The following SLC25A21 variants were observed in gnomAD, a reference collection of about 807,000 sequenced individuals.
The protein encoded by SLC25A21 is solute carrier family 25 member 21.
In SLC25A21, 47 loss-of-function variants were observed where a neutral mutation model predicts 43.8. That is an observed-to-expected ratio of 1.07 (90% CI 0.85 to 1.37). The LOEUF (loss-of-function observed/expected upper bound fraction) is 1.37, where lower values mean the gene tolerates loss of function less well. Among genes scored for constraint, SLC25A21 ranks in the 40% most tolerant of loss-of-function variants. The probability of loss-of-function intolerance (pLI) is 0.00; values close to 1 mark genes in which losing one functional copy is unlikely to be tolerated. For synonymous variants in SLC25A21, 131 were observed against 121.3 expected (o/e 1.08, Z -0.52); for missense variants, 352 against 350.2 (o/e 1.00, Z -0.04).
intron 1 of SLC25A21, among the ~76,000 whole-genome samples, chr14:36,897,534 C>G (rs951491361): frequency 6.6e-6 from 1 of 152,182 alleles, no homozygotes; most frequent in African/African-American, 2.4e-5. Context: ...CTTCTCCCAA[C>G]TCATCAAAGT....
chr14:36,989,628 C>T (rs112990732), intron 1 of SLC25A21, among the ~76,000 whole-genome samples: 250 of 152,116 alleles, frequency 1.6e-3, no homozygotes, highest in Non-Finnish European at 3.0e-3. Context: ...AAAAAAATGC[C>T]TACCCATACA....
intron 1 of SLC25A21, among the ~76,000 whole-genome samples, chr14:37,091,453 A>T (rs1962584912): frequency 6.6e-6 from 1 of 152,018 alleles, no homozygotes; most frequent in Non-Finnish European, 1.5e-5. Flanking sequence ...AAAAAGCAAT[A>T]GACAACACTT....
intron 3 of SLC25A21, among the ~76,000 whole-genome samples, chr14:36,785,030 G>A (rs142614908): frequency 6.4e-4 from 97 of 152,290 alleles, no homozygotes; most frequent in African/African-American, 2.3e-3. Context: ...AGATTAATTA[G>A]TTGTTCTACC....
chr14:37,025,646 T>C (rs920199605), intron 1 of SLC25A21, among the ~76,000 whole-genome samples: 1 of 152,142 alleles, frequency 6.6e-6, no homozygotes, highest in African/African-American at 2.4e-5. Context: ...TTAGTGCACA[T>C]TCCTTCAAAT....
chr14:37,016,220 T>C (rs546780721), intron 1 of SLC25A21, among the ~76,000 whole-genome samples: 2 of 152,208 alleles, frequency 1.3e-5, no homozygotes, highest in South Asian at 4.1e-4. Context: ...AATTTTTGTA[T>C]AAAGTGTAAG....
At chr14:36,864,914 TGTTA>T (rs1427677237) in intron 2 of SLC25A21, among the ~76,000 whole-genome samples, 4 of 152,202 alleles carry the variant, frequency 2.6e-5, no homozygotes, top group African/African-American at 9.6e-5. Flanking sequence ...CCAGCTGCTC[TGTTA>T]TTTATTTATT....
chr14:36,836,270 T>C (rs781254019), intron 2 of SLC25A21, among the ~76,000 whole-genome samples: 1 of 152,120 alleles, frequency 6.6e-6, no homozygotes, highest in African/African-American at 2.4e-5. Context: ...GTGGAGAAAA[T>C]GTAGACTAGT....
At chr14:37,157,066 A>G (rs1297709127) in intron 1 of SLC25A21, among the ~76,000 whole-genome samples, 1 of 152,190 alleles carries the variant, frequency 6.6e-6, no homozygotes, top group Non-Finnish European at 1.5e-5. Flanking sequence ...TAAAAATAAA[A>G]TCATATCACG....
chr14:37,097,747 G>A (rs956021419), intron 1 of SLC25A21: 2 of 152,088 alleles, frequency 1.3e-5, no homozygotes, highest in South Asian at 2.1e-4. Flanking sequence ...AGCCAGGCAT[G>A]GTGGCAGACA....
At chr14:36,780,156 G>A (rs1887001374) in intron 3 of SLC25A21, among the ~76,000 whole-genome samples, 1 of 151,620 alleles carries the variant, frequency 6.6e-6, no homozygotes, top group Admixed American at 6.6e-5. Context: ...AGTCTCTTAT[G>A]ATTCTTTGCA....
intron 1 of SLC25A21, among the ~76,000 whole-genome samples, chr14:36,883,320 C>T (rs555142663): frequency 6.6e-6 from 1 of 152,266 alleles, no homozygotes; most frequent in African/African-American, 2.4e-5. Flanking sequence ...TCTAGCTGTT[C>T]CCTCTGCCTA....
intron 1 of SLC25A21, among the ~76,000 whole-genome samples, chr14:37,080,596 C>T (rs1406589849): frequency 1.3e-5 from 2 of 152,062 alleles, no homozygotes; most frequent in Non-Finnish European, 2.9e-5. Context: ...CAAGACCCTG[C>T]CTCAAAAACA....
chr14:36,842,361 T>G (rs1038333091), intron 2 of SLC25A21, among the ~76,000 whole-genome samples: 1 of 152,154 alleles, frequency 6.6e-6, no homozygotes, highest in African/African-American at 2.4e-5. Context: ...GAGATGACTT[T>G]AGAGGGGCTG....
At chr14:36,922,343 T>C (rs1383276553) in intron 1 of SLC25A21, among the ~76,000 whole-genome samples, 1 of 152,062 alleles carries the variant, frequency 6.6e-6, no homozygotes, top group Non-Finnish European at 1.5e-5. Context: ...CGTTCCTGCA[T>C]TCCAATTAGA....
chr14:37,123,340 T>A (rs907042222), intron 1 of SLC25A21, among the ~76,000 whole-genome samples: 1 of 152,130 alleles, frequency 6.6e-6, no homozygotes, highest in African/African-American at 2.4e-5. Context: ...CAAGCACCTA[T>A]AACTGACAAG....
At position 36,750,611 on chromosome 14, in the gene SLC25A21, G is replaced by A. The variant is rs891400470; in HGVS notation, c.204-16038C>T. On this transcript the variant is annotated intron_variant, in intron 3 of 9. Transcript: ENST00000331299. ...TTCCCTCCTGAAAACATGAATTCTT[G>A]GGCCTTATTTCCAGAGATTCTGATT... Among the ~76,000 whole-genome samples the A allele has an allele frequency of 2.0e-5, 3 of 152,030 alleles. No individual in the cohort carries two copies. In the South Asian group the frequency reaches 6.2e-4, roughly 32 times the overall value.
At chr14:36,867,730 A>T (rs1890251892) in intron 2 of SLC25A21, among the ~76,000 whole-genome samples, 1 of 151,386 alleles carries the variant, frequency 6.6e-6, no homozygotes. Context: ...TAACCTGTAG[A>T]CTCCATTTGT....
At chr14:37,140,115 T>A (rs940719603) in intron 1 of SLC25A21, among the ~76,000 whole-genome samples, 1 of 152,202 alleles carries the variant, frequency 6.6e-6, no homozygotes. Flanking sequence ...AGTTGGCTGT[T>A]GCAAACTGTA....
At chr14:36,798,910 GAGAGAGAC>G (rs1197987154) in intron 3 of SLC25A21, among the ~76,000 whole-genome samples, 1 of 151,858 alleles carries the variant, frequency 6.6e-6, no homozygotes, top group African/African-American at 2.4e-5. Flanking sequence ...GAAAGAGAGA[GAGAGAGAC>G]AGAGAGAGAG....
Sources: allele counts gnomAD v4.1 joint callset (sites outside exome capture counted in the v4.1 genomes callset), GRCh38; gene constraint gnomAD v4.1.1; transcripts MANE v1.5; gene names NCBI Gene and HGNC (gene_info 2026-07-23, HGNC 2026-07-21).